The following DENND3 variants were observed in gnomAD, a reference collection of about 807,000 sequenced individuals.
DENND3 encodes the protein DENN domain-containing protein 3.
A neutral mutation model predicts 135.1 loss-of-function variants in DENND3; 88 were observed. The ratio of observed to expected loss-of-function variants is 0.65; its 90% CI spans 0.55 to 0.78. The LOEUF (loss-of-function observed/expected upper bound fraction) is 0.78. Among genes scored for constraint, DENND3 ranks in the 30% least tolerant of loss-of-function variants. The pLI, the probability that DENND3 is intolerant of heterozygous loss-of-function variation, is 0.00. For synonymous variants in DENND3, 693 were observed against 712.3 expected (o/e 0.97, Z 0.43); for missense variants, 1,392 against 1,688.4 (o/e 0.82, Z 3.08).
At chr8:141,147,045 G>T (rs946640998) in intron 5 of DENND3, among the ~76,000 whole-genome samples, 1 of 152,196 alleles carries the variant, frequency 6.6e-6, no homozygotes, top group African/African-American at 2.4e-5. Flanking sequence ...CTGGCCCGAT[G>T]ACTCTCGGCT....
rs868759227 is a variant in DENND3 at position 141,128,649 on chromosome 8, C to T, written c.-59C>T. Reference sequence around the variant, plus strand: ...GGCGCGGCTGGTCCCCAGGGGTCTGCGGGCGACTGCGCGGCTGAGGCGCCC... The same window carrying T: ...GGCGCGGCTGGTCCCCAGGGGTCTGTGGGCGACTGCGCGGCTGAGGCGCCC... On this transcript the variant is annotated 5_prime_UTR_variant, in exon 1 of 23. Coordinates refer to ENST00000519811, the MANE Select transcript of DENND3 (RefSeq NM_001352890.3). The surrounding 1 kb of genome is among the most constrained non-coding windows in gnomAD (Gnocchi z 4.5). The T allele has an allele frequency of 1.5e-5, 17 of 1,150,876 alleles. No homozygotes were observed. The highest frequency in any genetic ancestry group is 3.4e-4 in the Middle Eastern group (1 of 2,978). 71.3% of individuals were successfully genotyped at this position (1,150,876 alleles called of 1,614,324 possible). A position where few individuals can be genotyped will look rare whatever the true frequency, so the allele number is the denominator to read the frequency against.
rs1589546222 is a variant in DENND3 at position 141,139,465 on chromosome 8, G to A, written c.501+1328G>A. On this transcript the variant is annotated intron_variant, in intron 3 of 22. Transcript: ENST00000519811. The surrounding 1 kb of genome is among the most constrained non-coding windows in gnomAD (Gnocchi z 4.2). ...GCAGAACCAAGGTCAGCTCTCGGGC[G>A]GTGCATGCAGGGGACCAGCGTCCGC... Among the ~76,000 whole-genome samples, 4 of 152,136 alleles carry A rather than the reference G, an allele frequency of 2.6e-5. No homozygotes were observed. The highest frequency in any genetic ancestry group is 4.8e-5 in the African/African-American group (2 of 41,414).
chr8:141,191,260 T>G (rs2154613580), intron 20 of DENND3: 1 of 152,392 alleles, frequency 6.6e-6, no homozygotes, highest in Non-Finnish European at 1.5e-5. Context: ...TACAGAACTT[T>G]CTACAAATGG....
In DENND3 at chr8:141,141,572, A is replaced by G. The variant is rs568874948; in HGVS notation, c.623+248A>G. Reference sequence around the variant, plus strand: ...GGCGCTCCTCTCTGTGACTGGTAACATACGGTAATGGCATGGTAGGAAAGG... The same window carrying G: ...GGCGCTCCTCTCTGTGACTGGTAACGTACGGTAATGGCATGGTAGGAAAGG... On this transcript the variant is annotated intron_variant, in intron 4 of 22. Coordinates refer to ENST00000519811, the MANE Select transcript of DENND3 (RefSeq NM_001352890.3). The surrounding 1 kb of genome is among the most constrained non-coding windows in gnomAD (Gnocchi z 5.3). 33 of 528,322 alleles carry G rather than the reference A, an allele frequency of 6.2e-5. 1 individual carries two copies. Among genetic ancestry groups the G allele is most frequent in the South Asian group, 4.4e-4 (20 of 45,268 alleles). The allele number at this position is 528,322 out of a possible 1,614,324, so 32.7% of individuals were successfully genotyped here. A position where few individuals can be genotyped will look rare whatever the true frequency, so the allele number is the denominator to read the frequency against.
At chr8:141,178,914 C>G (rs759213059) in intron 16 of DENND3, among the ~76,000 whole-genome samples, 3 of 152,146 alleles carry the variant, frequency 2.0e-5, no homozygotes, top group Non-Finnish European at 4.4e-5. Flanking sequence ...TTGGTCTGTC[C>G]CTTCATCAGT....
intron 15 of DENND3, chr8:141,177,062 C>T (rs557306531): frequency 7.8e-5 from 28 of 359,554 alleles, no homozygotes; most frequent in Non-Finnish European, 1.2e-4. Flanking sequence ...TGGGGCCTCC[C>T]GGGGGCGGAC....
At position 141,188,656 on chromosome 8, in the gene DENND3, G is replaced by A. The variant is rs115383132; in HGVS notation, c.3085-330G>A. ...TGGAGCTCCCTAAGCACAAGGAGGC[G>A]GTGACGTGTCTTGCAGAGAAAATGC... is the stretch of plus-strand genomic sequence containing the variant. On this transcript the variant is annotated intron_variant, in intron 18 of 22. Transcript: ENST00000519811. 2,341 of 244,208 alleles carry A rather than the reference G, an allele frequency of 9.6e-3. 55 individuals are homozygous for A. Among genetic ancestry groups the A allele is most frequent in the African/African-American group, 0.05 (2,202 of 44,064 alleles). The allele number at this position is 244,208 out of a possible 1,614,324, so 15.1% of individuals were successfully genotyped here.
At chr8:141,188,863 G>A (rs1824290253) in intron 18 of DENND3, 123 bp from the exon 19 acceptor site, 1 of 1,325,504 alleles carries the variant, frequency 7.5e-7, no homozygotes, top group Non-Finnish European at 1.0e-6. Context: ...CCCTGAGCCG[G>A]CGTGTCCCCT....
intron 1 of DENND3, among the ~76,000 whole-genome samples, chr8:141,133,333 A>G (rs1384435301): frequency 6.6e-6 from 1 of 152,164 alleles, no homozygotes; most frequent in Non-Finnish European, 1.5e-5. Context: ...ATGCCCACGT[A>G]TGACACGTGG....
intron 5 of DENND3, 120 bp from the exon 6 acceptor site, chr8:141,150,714 T>C: frequency 1.6e-6 from 2 of 1,279,054 alleles, no homozygotes; most frequent in Non-Finnish European, 2.1e-6. Context: ...CGTGGCAGCC[T>C]GTGTCTTCAG....
chr8:141,150,480 C>A, intron 5 of DENND3: 2 of 374,444 alleles, frequency 5.3e-6, no homozygotes, highest in Non-Finnish European at 9.0e-6. Flanking sequence ...ATATGTAATA[C>A]CTAAGAATAA....
In DENND3 at chr8:141,182,458, G is replaced by T. The variant is rs1400291550; in HGVS notation, c.2944+1604G>T. The T allele has an allele frequency of 7.1e-6, 7 of 985,310 alleles. No individual in the cohort carries two copies. The highest frequency in any genetic ancestry group is 8.4e-6 in the Non-Finnish European group (7 of 829,942). The allele number at this position is 985,310 out of a possible 1,614,324, so 61.0% of individuals were successfully genotyped here. A position where few individuals can be genotyped will look rare whatever the true frequency, so the allele number is the denominator to read the frequency against. On this transcript the variant is annotated intron_variant, in intron 17 of 22. Transcript: ENST00000519811. The surrounding 1 kb of genome is among the most constrained non-coding windows in gnomAD (Gnocchi z 5.9). ...CGCCAGAGATGACTCCACAGACCAA[G>T]ATACTTTGACCGTGGCATTTGAATA... is the stretch of plus-strand genomic sequence containing the variant.
At position 141,182,336 on chromosome 8, in the gene DENND3, A is replaced by G. The variant is rs899336878; in HGVS notation, c.2944+1482A>G. The G allele has an allele frequency of 8.0e-5, 79 of 985,308 alleles. No individual in the cohort carries two copies. The highest frequency in any genetic ancestry group is 9.4e-5 in the Non-Finnish European group (78 of 829,946). The allele number at this position is 985,308 out of a possible 1,614,324, so 61.0% of individuals were successfully genotyped here. ...TTCATGGCAGGCCAAGAAACCCAGG[A>G]ACGCGATAGACCCTGGCTGAGTGAG... On this transcript the variant is annotated intron_variant, in intron 17 of 22. Transcript: ENST00000519811. The surrounding 1 kb of genome is among the most constrained non-coding windows in gnomAD (Gnocchi z 5.9).
intron 2 of DENND3, 138 bp downstream of exon 2, chr8:141,136,929 AT>A: frequency 1.4e-6 from 1 of 735,606 alleles, no homozygotes; most frequent in Non-Finnish European, 1.9e-6. Context: ...CTCTTGTGGG[AT>A]TTAGTTTTCT....
intron 22 of DENND3, chr8:141,192,886 C>T: frequency 6.7e-7 from 1 of 1,501,152 alleles, no homozygotes; most frequent in Non-Finnish European, 8.9e-7. Flanking sequence ...GCGCATTCCC[C>T]CAAACTGGAT....
At chr8:141,153,533 A>G (rs372026569) in intron 7 of DENND3, among the ~76,000 whole-genome samples, 10 of 152,290 alleles carry the variant, frequency 6.6e-5, no homozygotes, top group African/African-American at 2.4e-4. Flanking sequence ...AGCAAATCCC[A>G]GGGTCCAGAT....
intron 8 of DENND3, 67 bp from the exon 9 acceptor site, chr8:141,160,565 G>C (rs774235065): frequency 1.4e-6 from 2 of 1,462,668 alleles, no homozygotes; most frequent in East Asian, 4.7e-5. Flanking sequence ...CTGGTGGGCT[G>C]TGTGCTGGTG....
chr8:141,153,864 C>T (rs1819115244), intron 7 of DENND3, among the ~76,000 whole-genome samples: 1 of 152,216 alleles, frequency 6.6e-6, no homozygotes, highest in East Asian at 1.9e-4. Context: ...TTCCAGTCAG[C>T]AGTGGGGGAC....
intron 1 of DENND3, among the ~76,000 whole-genome samples, chr8:141,135,152 CTT>C (rs532006355): frequency 1.4e-3 from 192 of 134,886 alleles, no homozygotes; most frequent in African/African-American, 3.9e-3. Context: ...TTCTTTCTTT[CTT>C]TTTTTTTTTT....
Sources: gnomAD v4.1 joint callset for allele counts (sites outside exome capture counted in the v4.1 genomes callset) on GRCh38, gnomAD v4.1.1 for gene constraint, Gnocchi (gnomAD v3.1) non-coding constraint, MANE v1.5 for transcripts, NCBI Gene and HGNC (gene_info 2026-07-23, HGNC 2026-07-21) for gene names.